TBC1D19: variants seen among roughly 807,000 people sequenced by gnomAD.
TBC1D19 encodes TBC1 domain family member 19.
TBC1D19 carries 60 observed loss-of-function variants against 89.0 expected under a neutral mutation model. The observed-to-expected ratio is 0.67, with a 90% confidence interval of 0.55 to 0.84. The LOEUF (loss-of-function observed/expected upper bound fraction) is 0.84, where lower values mean the gene tolerates loss of function less well. Ranked by LOEUF, TBC1D19 falls within the 40% of genes least tolerant of loss-of-function variation. TBC1D19 has a pLI of 0.00. For missense variants in TBC1D19, 500 were observed against 610.8 expected (o/e 0.82, Z 1.91); for synonymous variants, 189 against 199.7 (o/e 0.95, Z 0.45).
chr4:26,702,874 C>T (rs1397012715), intron 13 of TBC1D19, among the ~76,000 whole-genome samples: 2 of 152,174 alleles, frequency 1.3e-5, no homozygotes, highest in Non-Finnish European at 2.9e-5. Context: ...TTCCCCCTGC[C>T]CCCGGGCCCA....
At chr4:26,771,125 A>C in the TBC1D19 span, among the ~76,000 whole-genome samples, 7 of 152,144 alleles carry the variant, frequency 4.6e-5, no homozygotes, top group Non-Finnish European at 1.0e-4. Flanking sequence ...AGGGAAATGC[A>C]GATTAAAACC....
the TBC1D19 span, among the ~76,000 whole-genome samples, chr4:26,789,917 T>G: frequency 6.6e-6 from 1 of 152,230 alleles, no homozygotes; most frequent in Non-Finnish European, 1.5e-5. Context: ...GCCATTGTCT[T>G]AAGTGAAATA....
the TBC1D19 span, among the ~76,000 whole-genome samples, chr4:26,850,315 G>A: frequency 6.6e-6 from 1 of 151,908 alleles, no homozygotes; most frequent in Non-Finnish European, 1.5e-5. Context: ...TTGGGAGGCT[G>A]AGGCAGGTGG....
chr4:26,850,937 T>C, the TBC1D19 span, among the ~76,000 whole-genome samples: 1 of 152,194 alleles, frequency 6.6e-6, no homozygotes, highest in East Asian at 1.9e-4. Context: ...GTGGGAAAGA[T>C]CCACCCTCAA....
rs373832385 is a variant in TBC1D19, at chr4:26,748,489, T to C, written c.1398T>C (p.Asp466=). The C allele has an allele frequency of 3.1e-6, 5 of 1,613,672 alleles. No homozygotes were observed. In the African/African-American group the frequency reaches 4.0e-5, roughly 13 times the overall value. The change falls in exon 19 of 21, where the codon GAT becomes GAC. Residue 466 remains aspartate (D), a synonymous_variant. Transcript: ENST00000264866. ...LATDQLLLLW[D]RILGYNSLEI... ...CAGATCAGCTCTTGCTTTTATGGGA[T>C]AGAATCCTAGGATACAACTCTCTGG...
At chr4:26,660,782 C>T (rs78648542) in intron 8 of TBC1D19, among the ~76,000 whole-genome samples, 2,528 of 152,276 alleles carry the variant, frequency 0.017, 72 homozygotes, top group African/African-American at 0.058. Context: ...GCTACACTGC[C>T]CCTCTACAGA....
chr4:26,815,520 A>G, the TBC1D19 span, among the ~76,000 whole-genome samples: 1 of 152,244 alleles, frequency 6.6e-6, no homozygotes, highest in Non-Finnish European at 1.5e-5. Flanking sequence ...TCACATGTAA[A>G]TAACTGATAC....
chr4:26,699,165 A>T (rs1577953285), intron 13 of TBC1D19, among the ~76,000 whole-genome samples: 1 of 152,226 alleles, frequency 6.6e-6, no homozygotes, highest in East Asian at 1.9e-4. Context: ...ACAAACTTAC[A>T]AGAAAAAACA....
intron 18 of TBC1D19, among the ~76,000 whole-genome samples, chr4:26,745,409 AT>A (rs1718595178): frequency 1.4e-5 from 2 of 138,456 alleles, no homozygotes; most frequent in Admixed American, 7.1e-5. Context: ...TGAATTGAAC[AT>A]TTTTTATTCC....
chr4:26,643,553 A>C (rs528521358), intron 7 of TBC1D19, among the ~76,000 whole-genome samples: 57 of 152,318 alleles, frequency 3.7e-4, no homozygotes, highest in Middle Eastern at 3.4e-3. Context: ...AAAAGCTAGC[A>C]GAAGGCAAGA....
chr4:26,691,634 T>A (rs1242045795), intron 13 of TBC1D19, among the ~76,000 whole-genome samples: 1 of 152,180 alleles, frequency 6.6e-6, no homozygotes, highest in Non-Finnish European at 1.5e-5. Context: ...ATGTATATTT[T>A]TGGGCATATG....
chr4:26,653,536 G>C (rs1002155159), intron 7 of TBC1D19, among the ~76,000 whole-genome samples: 4 of 152,132 alleles, frequency 2.6e-5, no homozygotes, highest in African/African-American at 9.7e-5. Flanking sequence ...CTCAGGACTT[G>C]CTTTATGAAT....
intron 1 of TBC1D19, among the ~76,000 whole-genome samples, chr4:26,612,259 T>G (rs1030915539): frequency 2.6e-5 from 4 of 151,126 alleles, no homozygotes; most frequent in Non-Finnish European, 4.4e-5. Flanking sequence ...TCAAGGAGGT[T>G]TTTTAAAAAA....
the TBC1D19 span, among the ~76,000 whole-genome samples, chr4:26,788,788 C>T: frequency 3.9e-5 from 6 of 152,312 alleles, no homozygotes; most frequent in East Asian, 9.7e-4. Context: ...CCTATCAAGT[C>T]GGCTTCCTGT....
rs1372273629 is a variant in TBC1D19 at position 26,755,958 on chromosome 4, T to C, written c.*1011T>C. Among the ~76,000 whole-genome samples the C allele has an allele frequency of 1.3e-5, 2 of 152,222 alleles. No individual in the cohort carries two copies. Among genetic ancestry groups the C allele is most frequent in the Non-Finnish European group, 2.9e-5 (2 of 68,028 alleles). Reference sequence around the variant, plus strand: ...TTCTGTAATATGGAATAATAGTATGTGGGGTAAAAAGTCCAAAAACTATTG... The same window carrying C: ...TTCTGTAATATGGAATAATAGTATGCGGGGTAAAAAGTCCAAAAACTATTG... On this transcript the variant is annotated 3_prime_UTR_variant, in exon 21 of 21. Coordinates refer to ENST00000264866, the MANE Select transcript of TBC1D19 (RefSeq NM_018317.4).
At chr4:26,698,901 A>G (rs1715055504) in intron 13 of TBC1D19, among the ~76,000 whole-genome samples, 1 of 152,254 alleles carries the variant, frequency 6.6e-6, no homozygotes, top group Non-Finnish European at 1.5e-5. Context: ...ACCTAAAACC[A>G]TAAAATCCCT....
chr4:26,823,421 T>C, the TBC1D19 span, among the ~76,000 whole-genome samples: 2 of 152,074 alleles, frequency 1.3e-5, no homozygotes, highest in Non-Finnish European at 2.9e-5. Context: ...GTGATACAAT[T>C]TGGGTTAATG....
chr4:26,579,620 C>G (rs142592714), upstream of TBC1D19, among the ~76,000 whole-genome samples: 4 of 152,080 alleles, frequency 2.6e-5, no homozygotes, highest in African/African-American at 9.6e-5. Context: ...TTTTAAGCCC[C>G]GCATGCATTA....
chr4:26,599,661 G>A (rs975159684), intron 1 of TBC1D19, among the ~76,000 whole-genome samples: 1 of 151,994 alleles, frequency 6.6e-6, no homozygotes, highest in Non-Finnish European at 1.5e-5. Context: ...AATTGAATTT[G>A]CTGGCCAAGT....
Sources: allele counts gnomAD v4.1 joint callset (sites outside exome capture counted in the v4.1 genomes callset), GRCh38; gene constraint gnomAD v4.1.1; transcripts MANE v1.5; gene names NCBI Gene and HGNC (gene_info 2026-07-23, HGNC 2026-07-21).